The following BRPF3 variants were observed in gnomAD, a reference collection of about 807,000 sequenced individuals.
BRPF3 encodes the protein bromodomain and PHD finger-containing protein 3.
A neutral mutation model predicts 102.0 loss-of-function variants in BRPF3; 18 were observed. The ratio of observed to expected loss-of-function variants is 0.18; its 90% confidence interval spans 0.12 to 0.26. The LOEUF is 0.26. Among genes scored for constraint, BRPF3 ranks in the 10% least tolerant of loss-of-function variants. The probability of loss-of-function intolerance (pLI) is 1.00; values close to 1 mark genes in which losing one functional copy is unlikely to be tolerated. For synonymous variants in BRPF3, 570 were observed against 614.2 expected, an observed-to-expected ratio of 0.93 and a Z score of 1.06; for missense variants, 1,147 against 1,567.8, an observed-to-expected ratio of 0.73 and a Z score of 4.53.
intron 9 of BRPF3, 27 bp from the exon 10 acceptor site, chr6:36,222,141 A>G: frequency 6.5e-7 from 1 of 1,548,894 alleles, no homozygotes; most frequent in Non-Finnish European, 8.7e-7. Context: ...TGCTCATTTC[A>G]CCCCTCTCTC....
At position 36,209,923 on chromosome 6, in the gene BRPF3, C is replaced by A. The variant is rs758880205; in HGVS notation, c.1866+8C>A. ...CCAGTCAACTTGAGTGAGGCAAGTTCCCCCTACTTTCCAAGTAGTAAATTC... is the reference window on the plus strand; with the variant it reads ...CCAGTCAACTTGAGTGAGGCAAGTTACCCCTACTTTCCAAGTAGTAAATTC... On this transcript the variant is annotated splice_region_variant and intron_variant, in intron 5 of 12. Coordinates refer to ENST00000357641, the MANE Select transcript of BRPF3 (RefSeq NM_015695.3). The A allele has an allele frequency of 6.2e-7, 1 of 1,613,458 alleles. No homozygotes were observed. Among genetic ancestry groups the A allele is most frequent in the Non-Finnish European group, 8.5e-7 (1 of 1,179,756 alleles).
intron 1 of BRPF3, among the ~76,000 whole-genome samples, chr6:36,198,346 AG>A (rs1158498987): frequency 1.3e-5 from 2 of 152,186 alleles, no homozygotes; most frequent in East Asian, 3.9e-4. Flanking sequence ...TGGAGTATGG[AG>A]GCATAGAGAG....
At position 36,201,036 on chromosome 6, in the gene BRPF3, T is replaced by C. The variant is rs1171615048; in HGVS notation, c.714T>C (p.Ala238=). ...VILFCDICNL[A]VHQECYGVPY... ...TCTTCTGTGACATCTGCAACCTGGC[T>C]GTACACCAGGAGTGCTATGGCGTCC... The change falls in exon 2 of 13, where the codon GCT becomes GCC. Residue 238 remains alanine, a synonymous_variant. Transcript: ENST00000357641. The surrounding 1 kb of genome is among the most constrained non-coding windows in gnomAD (Gnocchi z 5.1). The C allele has an allele frequency of 1.2e-6, 2 of 1,614,158 alleles. No individual in the cohort carries two copies. Among genetic ancestry groups the C allele is most frequent in the East Asian group, 4.5e-5 (2 of 44,864 alleles).
At chr6:36,202,397 C>A (rs181640699) in intron 2 of BRPF3, among the ~76,000 whole-genome samples, 1 of 149,246 alleles carries the variant, frequency 6.7e-6, no homozygotes, top group Non-Finnish European at 1.5e-5. Flanking sequence ...AGCTGTGTAG[C>A]TAAGCTCTGT....
chr6:36,221,565 GT>G (rs2127294635), intron 9 of BRPF3, among the ~76,000 whole-genome samples: 1 of 152,188 alleles, frequency 6.6e-6, no homozygotes, highest in South Asian at 2.1e-4. Flanking sequence ...GATTACAGGC[GT>G]GAGCCACCAC....
At chr6:36,213,781 A>G in intron 7 of BRPF3, 99 bp from the exon 8 acceptor site, 2 of 1,249,266 alleles carry the variant, frequency 1.6e-6, no homozygotes, top group Non-Finnish European at 1.1e-6. Flanking sequence ...GCCTTATAAC[A>G]GCCAATGCTT....
Position 36,229,030 on chromosome 6 carries a change from C to T in BRPF3, c.3408C>T (p.Val1136=), listed in dbSNP as rs757822098. 6.2e-7 allele frequency: 1 copy of T among 1,614,048 alleles called. No homozygotes were observed. Among genetic ancestry groups the T allele is most frequent in the Non-Finnish European group, 8.5e-7 (1 of 1,180,040 alleles). The change falls in exon 12 of 13, where the codon GTC becomes GTT. Residue 1136 remains valine, a synonymous_variant. Transcript: ENST00000357641. ...AGGCTGGAGAGAAGCTCTTCCTTGT[C>T]CTCTTCTTTGACAACAAGCGCACCT... ...QAEAGEKLFL[V]LFFDNKRTWQ... is the part of the protein sequence containing the mutation.
intron 1 of BRPF3, among the ~76,000 whole-genome samples, chr6:36,199,179 G>A (rs1034759650): frequency 7.2e-5 from 11 of 152,162 alleles, no homozygotes; most frequent in Non-Finnish European, 1.6e-4. Flanking sequence ...GCGGGCAAGC[G>A]AGCATTACCA....
chr6:36,224,276 G>A (rs548186407), intron 10 of BRPF3, among the ~76,000 whole-genome samples: 20 of 152,194 alleles, frequency 1.3e-4, no homozygotes, highest in Non-Finnish European at 2.8e-4. Context: ...CACCCTGTTA[G>A]ATTTGGACTT....
intron 5 of BRPF3, 22 bp downstream of exon 5, chr6:36,209,937 AGTAGTAAATTCTTCTTGAACTGGAACAGG>A: frequency 6.2e-7 from 1 of 1,613,200 alleles, no homozygotes; most frequent in Non-Finnish European, 8.5e-7. Context: ...CTACTTTCCA[AGTAGTAAATTCTTCTTGAACTGGAACAGG>A]GTCTGAGTAG....
intron 4 of BRPF3, among the ~76,000 whole-genome samples, chr6:36,208,827 A>G (rs1767996156): frequency 6.6e-6 from 1 of 152,192 alleles, no homozygotes; most frequent in South Asian, 2.1e-4. Flanking sequence ...TGGCTTCCCA[A>G]CTTTTCACAT....
chr6:36,219,507 A>G (rs1376780268), intron 9 of BRPF3, among the ~76,000 whole-genome samples: 1 of 152,084 alleles, frequency 6.6e-6, no homozygotes, highest in Non-Finnish European at 1.5e-5. Context: ...ACTAAAAGTG[A>G]AAGGTGTGTT....
rs751748083 is a variant in BRPF3, at chr6:36,207,349, G to T, written c.1642G>T (p.Glu548Ter). The change falls in exon 4 of 13, where the codon GAG becomes TAG. Residue 548 changes from glutamate to a stop codon, truncating the protein, a stop_gained. Coordinates refer to ENST00000357641, the MANE Select transcript of BRPF3 (RefSeq NM_015695.3). LOFTEE classifies it high-confidence loss of function. The part of the protein sequence containing the change: ...QDEKTSAVKE[E>*]LKYWQKLRHD... Reference sequence around the variant, plus strand: ...TGAGAAGACAAGTGCAGTGAAGGAGGAGCTGAAGTATTGGCAGAAGCTCCG... The same window carrying T: ...TGAGAAGACAAGTGCAGTGAAGGAGTAGCTGAAGTATTGGCAGAAGCTCCG... 2 of 1,614,104 alleles carry T rather than the reference G, an allele frequency of 1.2e-6. No homozygotes were observed. Among genetic ancestry groups the T allele is most frequent in the Admixed American group, 3.3e-5 (2 of 60,024 alleles).
intron 9 of BRPF3, among the ~76,000 whole-genome samples, chr6:36,220,040 G>T: frequency 6.6e-6 from 1 of 152,276 alleles, no homozygotes; most frequent in South Asian, 2.1e-4. Flanking sequence ...ATCTTCTAAG[G>T]TGTCTGTTCT....
chr6:36,230,377 C>G lies in BRPF3; in HGVS notation c.3435-49C>G. 6.3e-7 allele frequency: 1 copy of G among 1,583,424 alleles called. No individual in the cohort carries two copies. ...AAGTGGGGCCACAGGAGCCCGAGCCCCCTGTGAGACCCACTACTGCCCAGC... is the reference window on the plus strand; with the variant it reads ...AAGTGGGGCCACAGGAGCCCGAGCCGCCTGTGAGACCCACTACTGCCCAGC... On this transcript the variant is annotated intron_variant, in intron 12 of 12. Transcript: ENST00000357641. This position sits in a 1 kb window ranked among gnomAD's most constrained non-coding sequence, Gnocchi z 5.4.
At chr6:36,208,679 G>A (rs1402667855) in intron 4 of BRPF3, among the ~76,000 whole-genome samples, 1 of 152,156 alleles carries the variant, frequency 6.6e-6, no homozygotes, top group Non-Finnish European at 1.5e-5. Context: ...GCTGTCCCAG[G>A]CATGATCCCA....
rs1466750166 is a variant in BRPF3, at chr6:36,196,912, G to C, written c.-85G>C. ...CTTCCCGGGCCGCGCCGACCTGCTC[G>C]GCGGCCTGCCCGCCCGCGCCCAGGG... On this transcript the variant is annotated 5_prime_UTR_variant, in exon 1 of 13. Transcript: ENST00000357641. The C allele has an allele frequency of 6.6e-6, 1 of 151,526 alleles. No individual in the cohort carries two copies. The highest frequency in any genetic ancestry group is 6.6e-5 in the Admixed American group (1 of 15,188). 9.4% of individuals were successfully genotyped at this position (151,526 alleles called of 1,614,324 possible). A position where few individuals can be genotyped will look rare whatever the true frequency, so the allele number is the denominator to read the frequency against.
intron 1 of BRPF3, among the ~76,000 whole-genome samples, chr6:36,197,835 G>A (rs564188423): frequency 6.6e-6 from 1 of 152,184 alleles, no homozygotes. Flanking sequence ...CCCGGTGTCT[G>A]GAGGCGTGGG....
In BRPF3 at chr6:36,220,332, C is replaced by T. The variant is rs369671663; in HGVS notation, c.3084-1836C>T. On this transcript the variant is annotated intron_variant, in intron 9 of 12. Transcript: ENST00000357641. ...ATCCTTCGTATGACAATAACTACAG[C>T]TGTGTTTATTGACTGCATGGTATGT... Among the ~76,000 whole-genome samples the T allele has an allele frequency of 1.3e-4, 20 of 152,282 alleles. No individual in the cohort carries two copies. In the South Asian group the frequency reaches 3.9e-3, roughly 30 times the overall value.
Sources: gnomAD v4.1 joint callset for allele counts (sites outside exome capture counted in the v4.1 genomes callset) on GRCh38, gnomAD v4.1.1 for gene constraint, Gnocchi (gnomAD v3.1) non-coding constraint, MANE v1.5 for transcripts, NCBI Gene and HGNC (gene_info 2026-07-23, HGNC 2026-07-21) for gene names.